The following CEP57 variants were observed in gnomAD, a reference collection of about 807,000 sequenced individuals.
The protein encoded by CEP57 is centrosomal protein of 57 kDa.
Under a neutral mutation model 68.0 loss-of-function variants are expected in CEP57, and 40 were observed. The ratio of observed to expected loss-of-function variants is 0.59; its 90% CI spans 0.46 to 0.77. The LOEUF (loss-of-function observed/expected upper bound fraction) is 0.77. Among genes scored for constraint, CEP57 ranks in the 30% least tolerant of loss-of-function variants. CEP57 has a pLI of 0.00. For synonymous variants in CEP57, 219 were observed against 198.7 expected (o/e 1.10, Z -0.86); for missense variants, 606 against 580.7 (o/e 1.04, Z -0.45).
chr11:95,810,867 CA>C (rs771764952), intron 2 of CEP57, among the ~76,000 whole-genome samples: 6 of 151,540 alleles, frequency 4.0e-5, no homozygotes, highest in African/African-American at 1.5e-4. Flanking sequence ...CATACAGCAC[CA>C]AAAAAAACAG....
Position 95,793,822 on chromosome 11 carries a change from G to T in CEP57, c.45+3079G>T, listed in dbSNP as rs117143779. Among the ~76,000 whole-genome samples the T allele has an allele frequency of 4.8e-4, 73 of 152,208 alleles. No individual in the cohort carries two copies. The East Asian group carries it at 0.011, about 23-fold the overall frequency. On this transcript the variant is annotated intron_variant, in intron 1 of 10. Coordinates refer to ENST00000325542, the MANE Select transcript of CEP57 (RefSeq NM_014679.5). ...GGCTTTGGATTTAATGGGTTTTGCT[G>T]TTCATTTGTTTGCCAGATATTAGAA...
rs192548620 is a variant in CEP57 at position 95,816,894 on chromosome 11, C to G, written c.505-893C>G. Among the ~76,000 whole-genome samples the G allele has an allele frequency of 2.4e-3, 365 of 151,762 alleles. 1 individual carries two copies. The highest frequency in any genetic ancestry group is 0.024 in the Middle Eastern group (7 of 294). On this transcript the variant is annotated intron_variant, in intron 4 of 10. Transcript: ENST00000325542. ...GGCGTGGTGGCAGGCGCCTATAATC[C>G]CAGCTACTCAGGAGGCTCAGGCAGG...
chr11:95,804,877 T>C (rs1861727788), intron 2 of CEP57, among the ~76,000 whole-genome samples: 1 of 152,170 alleles, frequency 6.6e-6, no homozygotes, highest in South Asian at 2.1e-4. Context: ...ATTTTTTTCC[T>C]TTTCAATCAT....
rs1055037726 is a variant in CEP57 at position 95,799,534 on chromosome 11, C to G, written c.202+146C>G. On this transcript the variant is annotated intron_variant, in intron 2 of 10. Coordinates refer to ENST00000325542, the MANE Select transcript of CEP57 (RefSeq NM_014679.5). ...AGCCCCCAGAAAATATTATGCTTTT[C>G]TTGTATTCCTTATATTGATTGTTGA... is the stretch of plus-strand genomic sequence containing the variant. 17 of 934,692 alleles carry G rather than the reference C, an allele frequency of 1.8e-5. No homozygotes were observed. The African/African-American group carries it at 2.5e-4, about 13-fold the overall frequency. The allele number at this position is 934,692 out of a possible 1,614,324, so 57.9% of individuals were successfully genotyped here. A position where few individuals can be genotyped will look rare whatever the true frequency, so the allele number is the denominator to read the frequency against.
At chr11:95,814,688 C>T (rs1166454109) in intron 4 of CEP57, among the ~76,000 whole-genome samples, 3 of 152,148 alleles carry the variant, frequency 2.0e-5, no homozygotes, top group Non-Finnish European at 4.4e-5. Context: ...TTAAAACTTA[C>T]TCCTTTTTCT....
intron 4 of CEP57, among the ~76,000 whole-genome samples, chr11:95,817,352 C>T (rs1049570390): frequency 3.3e-5 from 5 of 151,850 alleles, no homozygotes; most frequent in Admixed American, 6.6e-5. Flanking sequence ...GGCGACAGAG[C>T]GAGACTCTAT....
intron 9 of CEP57, 122 bp from the exon 10 acceptor site, chr11:95,829,065 C>T: frequency 9.8e-7 from 1 of 1,018,752 alleles, no homozygotes; most frequent in African/African-American, 1.6e-5. Flanking sequence ...AAATTTATTG[C>T]TCTGTTCAAA....
At chr11:95,825,989 G>A (rs993495585) in intron 8 of CEP57, 1 of 152,086 alleles carries the variant, frequency 6.6e-6, no homozygotes, top group African/African-American at 2.4e-5. Context: ...TGGAAGAATT[G>A]GTATCTCATA....
At chr11:95,804,388 G>A (rs557051848) in intron 2 of CEP57, among the ~76,000 whole-genome samples, 1 of 152,296 alleles carries the variant, frequency 6.6e-6, no homozygotes, top group South Asian at 2.1e-4. Flanking sequence ...AAAACCTTAG[G>A]GACAGTATTA....
chr11:95,796,985 T>G (rs1260705349), intron 1 of CEP57, among the ~76,000 whole-genome samples: 1 of 152,182 alleles, frequency 6.6e-6, no homozygotes, highest in Non-Finnish European at 1.5e-5. Context: ...ATCAGTATGT[T>G]CAACAATCTA....
chr11:95,804,366 G>A (rs1475204241), intron 2 of CEP57, among the ~76,000 whole-genome samples: 2 of 152,188 alleles, frequency 1.3e-5, no homozygotes, highest in African/African-American at 4.8e-5. Flanking sequence ...AGTAAGGATG[G>A]AACTAAAGCC....
chr11:95,796,180 A>G (rs1264892626), intron 1 of CEP57, among the ~76,000 whole-genome samples: 1 of 152,238 alleles, frequency 6.6e-6, no homozygotes, highest in Non-Finnish European at 1.5e-5. Context: ...TTTTTAAATT[A>G]TGCTTCATAC....
In CEP57 at chr11:95,813,205, G is replaced by T; in HGVS notation, c.382+94G>T. The T allele has an allele frequency of 8.8e-6, 11 of 1,244,928 alleles. 1 individual carries two copies. In the South Asian group the frequency reaches 1.3e-4, roughly 15 times the overall value. The allele number at this position is 1,244,928 out of a possible 1,614,324, so 77.1% of individuals were successfully genotyped here. ...AATAGTACATTAGTGTTTTGTAGCG[G>T]TATCTTCAAGTACTACAAAACTGCA... is the stretch of plus-strand genomic sequence containing the variant. On this transcript the variant is annotated intron_variant, in intron 3 of 10. Coordinates refer to ENST00000325542, the MANE Select transcript of CEP57 (RefSeq NM_014679.5).
chr11:95,791,418 T>A (rs1257164332), intron 1 of CEP57, among the ~76,000 whole-genome samples: 1 of 152,226 alleles, frequency 6.6e-6, no homozygotes, highest in Non-Finnish European at 1.5e-5. Flanking sequence ...CTGGTATTTC[T>A]CAAATTGGAG....
intron 2 of CEP57, among the ~76,000 whole-genome samples, chr11:95,809,667 G>T (rs1491003330): frequency 6.6e-6 from 1 of 152,144 alleles, no homozygotes; most frequent in African/African-American, 2.4e-5. Context: ...TTGAATCCCT[G>T]AATAGACCAA....
chr11:95,799,112 G>A, intron 1 of CEP57, 120 bp from the exon 2 acceptor site: 1 of 932,280 alleles, frequency 1.1e-6, no homozygotes, highest in Non-Finnish European at 1.7e-6. Context: ...ATTGTTTCTA[G>A]TCAGTGGATT....
At chr11:95,801,802 A>C (rs899541813) in intron 2 of CEP57, among the ~76,000 whole-genome samples, 1 of 152,048 alleles carries the variant, frequency 6.6e-6, no homozygotes, top group Non-Finnish European at 1.5e-5. Context: ...GGTTTTAAGG[A>C]ATAAAAGAGA....
chr11:95,824,888 T>G (rs1205286874), intron 8 of CEP57, among the ~76,000 whole-genome samples: 1 of 152,226 alleles, frequency 6.6e-6, no homozygotes, highest in African/African-American at 2.4e-5. Context: ...AATGACCCTT[T>G]GAGAACCCTT....
chr11:95,809,965 A>C (rs994026631), intron 2 of CEP57, among the ~76,000 whole-genome samples: 3 of 152,244 alleles, frequency 2.0e-5, no homozygotes, highest in African/African-American at 7.2e-5. Context: ...AATACTGGCA[A>C]ACCGAATCCA....
Sources: allele counts gnomAD v4.1 joint callset (sites outside exome capture counted in the v4.1 genomes callset), GRCh38; gene constraint gnomAD v4.1.1; transcripts MANE v1.5; gene names NCBI Gene and HGNC (gene_info 2026-07-23, HGNC 2026-07-21).